Variants in MBTPS2 observed in about 807,000 individuals in gnomAD.
MBTPS2 encodes the protein membrane bound transcription factor peptidase, site 2, also known as membrane-bound transcription factor site-2 protease.
In MBTPS2, 2 loss-of-function variants were observed where a neutral mutation model predicts 35.4. The observed-to-expected ratio is 0.06, with a 90% CI of 0.02 to 0.18. The LOEUF is 0.18. MBTPS2 is among the 10% of genes least tolerant of loss of function. MBTPS2 has a pLI of 1.00. For missense variants in MBTPS2, 244 were observed against 386.5 expected, an observed-to-expected ratio of 0.63 and a Z score of 3.09; for synonymous variants, 125 against 140.4, an observed-to-expected ratio of 0.89 and a Z score of 0.77.
At position 21,883,511 on chromosome X, in the gene MBTPS2, C is replaced by G. The variant is rs1018308667; in HGVS notation, c.*856C>G. On this transcript the variant is annotated 3_prime_UTR_variant, in exon 11 of 11. Coordinates refer to ENST00000379484, the MANE Select transcript of MBTPS2 (RefSeq NM_015884.4). ...ATCTTCAGCAGTCCTACTTCCCATT[C>G]TCTATAGAGCTTTGAAGCTTGGAAC... 8.0e-6 allele frequency: 6 copies of G among 751,753 alleles called. No homozygotes were observed. The African/African-American group carries it at 1.2e-4, about 15-fold the overall frequency. The allele number at this position is 751,753 out of a possible 1,213,427, so 62.0% of individuals were successfully genotyped here.
rs2092943505 is a variant in MBTPS2 at position 21,868,660 on chromosome X, T to C, written c.789+75T>C. 5.7e-6 allele frequency: 4 copies of C among 707,330 alleles called. No individual in the cohort carries two copies. In the East Asian group the frequency reaches 1.3e-4, roughly 23 times the overall value. 58.3% of individuals were successfully genotyped at this position (707,330 alleles called of 1,213,427 possible). On this transcript the variant is annotated intron_variant, in intron 6 of 10. Coordinates refer to ENST00000379484, the MANE Select transcript of MBTPS2 (RefSeq NM_015884.4). ...ATACCTAGCATCTATTCAGAAACTTTTATTCAAGATCTCTTCATATACAAA... is the reference window on the plus strand; with the variant it reads ...ATACCTAGCATCTATTCAGAAACTTCTATTCAAGATCTCTTCATATACAAA...
At chrX:21,881,363 A>C (rs1226241286) in intron 10 of MBTPS2, among the ~76,000 whole-genome samples, 1 of 111,916 alleles carries the variant, frequency 8.9e-6, no homozygotes, top group Non-Finnish European at 1.9e-5. Flanking sequence ...GGAATTATGT[A>C]AATCCCAGGG....
At chrX:21,851,740 A>G in intron 4 of MBTPS2, 128 bp downstream of exon 4, 2 of 513,245 alleles carry the variant, frequency 3.9e-6, no homozygotes, top group Non-Finnish European at 6.9e-6. Flanking sequence ...TGCCTAGTGC[A>G]TAGCCATCAT....
rs1234820368 is a variant in MBTPS2 at position 21,869,419 on chromosome X, C to T, written c.790-79C>T. On this transcript the variant is annotated intron_variant, in intron 6 of 10. Coordinates refer to ENST00000379484, the MANE Select transcript of MBTPS2 (RefSeq NM_015884.4). Reference sequence around the variant, plus strand: ...ATTCAAACTATTCACTTAATTAACTCAGTGTCTTTATTATTTGCTCAGATT... The same window carrying T: ...ATTCAAACTATTCACTTAATTAACTTAGTGTCTTTATTATTTGCTCAGATT... The T allele has an allele frequency of 5.6e-6, 4 of 719,969 alleles. No individual in the cohort carries two copies. In the Admixed American group the frequency reaches 6.7e-5, roughly 12 times the overall value. 59.3% of individuals were successfully genotyped at this position (719,969 alleles called of 1,213,427 possible).
intron 5 of MBTPS2, chrX:21,856,686 A>G: frequency 8.3e-7 from 1 of 1,210,054 alleles, no homozygotes; most frequent in East Asian, 3.0e-5. Flanking sequence ...GCTCTTCACG[A>G]ACACGGGCTA....
Position 21,843,255 on chromosome X carries a change from C to A in MBTPS2, c.161C>A (p.Thr54Asn). The change falls in exon 2 of 11, where the codon ACT (threonine) becomes AAT (asparagine). Residue 54 changes from threonine (T) to asparagine (N), a missense_variant. By Grantham distance (65) the Thr-to-Asn change is moderately conservative. Coordinates refer to ENST00000379484, the MANE Select transcript of MBTPS2 (RefSeq NM_015884.4). ...TCCCCTTTCCACATAAGATGGCAAA[C>A]TGCTGTTTTCAATCGTGCCTTTTAC... The part of the protein sequence containing the change: ...SISPFHIRWQ[T>N]AVFNRAFYSW... 1 of 1,210,656 alleles carries A rather than the reference C, an allele frequency of 8.3e-7. No individual in the cohort carries two copies. The highest frequency in any genetic ancestry group is 1.8e-5 in the South Asian group (1 of 56,983).
intron 3 of MBTPS2, among the ~76,000 whole-genome samples, chrX:21,850,417 G>C (rs988358515): frequency 9.0e-6 from 1 of 111,208 alleles, no homozygotes; most frequent in African/African-American, 3.3e-5. Flanking sequence ...TGTATGTTTG[G>C]GGAGCAGAAT....
intron 7 of MBTPS2, among the ~76,000 whole-genome samples, chrX:21,876,123 A>G (rs1279314371): frequency 8.9e-6 from 1 of 112,300 alleles, no homozygotes; most frequent in Non-Finnish European, 1.9e-5. Context: ...AAGAATTCCT[A>G]AACAACTTTT....
intron 5 of MBTPS2, among the ~76,000 whole-genome samples, chrX:21,854,430 A>C (rs1401841506): frequency 2.7e-5 from 3 of 112,490 alleles, no homozygotes; most frequent in Non-Finnish European, 5.6e-5. Flanking sequence ...TATTTAAAAC[A>C]TGTCCCAAAT....
chrX:21,840,043 C>G (rs1569320335), intron 1 of MBTPS2, among the ~76,000 whole-genome samples: 1 of 111,453 alleles, frequency 9.0e-6, no homozygotes, highest in Non-Finnish European at 1.9e-5. Context: ...CTTCAGCCTT[C>G]GGGTCCTGCC....
intron 4 of MBTPS2, among the ~76,000 whole-genome samples, chrX:21,852,961 A>C (rs1237172765): frequency 9.0e-5 from 10 of 111,007 alleles, no homozygotes; most frequent in Non-Finnish European, 1.9e-4. Flanking sequence ...AGACAAATAC[A>C]AGTTATTAGG....
At chrX:21,866,487 T>G (rs1602148272) in intron 5 of MBTPS2, among the ~76,000 whole-genome samples, 1 of 111,646 alleles carries the variant, frequency 9.0e-6, no homozygotes, top group Non-Finnish European at 1.9e-5. Context: ...AAATGTAGTA[T>G]TCCTGTGTAT....
At chrX:21,882,300 G>T (rs2092960358) in intron 10 of MBTPS2, 133 bp from the exon 11 acceptor site, 1 of 531,565 alleles carries the variant, frequency 1.9e-6, no homozygotes, top group Non-Finnish European at 3.3e-6. Context: ...AGAAGGAATG[G>T]CAGAGATTTA....
rs58548977 is a variant in MBTPS2 at position 21,863,263 on chromosome X, C to CA, written c.671-5186dup. ...AGCCTGGGCGACAGTGAGACTGTCTCAAAAAAAAAAAAAAAAAATTAAATT... is the reference window on the plus strand; with the variant it reads ...AGCCTGGGCGACAGTGAGACTGTCTCAAAAAAAAAAAAAAAAAAATTAAATT... On this transcript the variant is annotated intron_variant, in intron 5 of 10. Coordinates refer to ENST00000379484, the MANE Select transcript of MBTPS2 (RefSeq NM_015884.4). Among the ~76,000 whole-genome samples, 217 of 57,429 alleles carry CA rather than the reference C, an allele frequency of 3.8e-3. 1 individual carries two copies. The highest frequency in any genetic ancestry group is 9.8e-3 in the Middle Eastern group (1 of 102). The allele number at this position is 57,429 out of a possible 115,157, so 49.9% of individuals were successfully genotyped here.
chrX:21,841,471 A>G (rs1023269916), intron 1 of MBTPS2, among the ~76,000 whole-genome samples: 29 of 111,039 alleles, frequency 2.6e-4, no homozygotes, highest in African/African-American at 9.5e-4. Context: ...TTAACGTGTC[A>G]TAAGCAATAC....
At chrX:21,857,901 T>TA (rs921382360) in intron 5 of MBTPS2, 48 of 224,468 alleles carry the variant, frequency 2.1e-4, no homozygotes, top group Non-Finnish European at 3.1e-4. Context: ...AGACGGTTCT[T>TA]ACAAACTGTT....
At chrX:21,851,066 C>G (rs888481155) in intron 3 of MBTPS2, among the ~76,000 whole-genome samples, 3 of 111,738 alleles carry the variant, frequency 2.7e-5, no homozygotes, top group Non-Finnish European at 5.6e-5. Flanking sequence ...GTACTTGGAA[C>G]CTTGCAATAA....
chrX:21,862,969 A>ATATATAT (rs2092934763), intron 5 of MBTPS2, among the ~76,000 whole-genome samples: 5 of 24,739 alleles, frequency 2.0e-4, no homozygotes, highest in African/African-American at 3.1e-4. Context: ...TATATATATA[A>ATATATAT]AACCGACTGG....
chrX:21,848,232 C>A (rs914537516), intron 3 of MBTPS2, among the ~76,000 whole-genome samples: 7 of 109,097 alleles, frequency 6.4e-5, no homozygotes, highest in Admixed American at 5.8e-4. Flanking sequence ...CCAGCCTGGG[C>A]AACATGGTGA....
Sources: allele counts gnomAD v4.1 joint callset (sites outside exome capture counted in the v4.1 genomes callset), GRCh38; gene constraint gnomAD v4.1.1; transcripts MANE v1.5; gene names NCBI Gene and HGNC (gene_info 2026-07-23, HGNC 2026-07-21).